The following MYO18B variants were observed in gnomAD, a reference collection of about 807,000 sequenced individuals.
The protein encoded by MYO18B is myosin XVIIIB.
MYO18B carries 204 observed loss-of-function variants against 273.0 expected under a neutral mutation model. The ratio of observed to expected loss-of-function variants is 0.75; its 90% CI spans 0.67 to 0.84. The LOEUF (loss-of-function observed/expected upper bound fraction) is 0.84, where lower values mean the gene tolerates loss of function less well. Among genes scored for constraint, MYO18B ranks in the 40% least tolerant of loss-of-function variants. The pLI is 0.00. For synonymous variants in MYO18B, 1,330 were observed against 1,305.7 expected (o/e 1.02, Z -0.40); for missense variants, 3,212 against 3,287.6 (o/e 0.98, Z 0.56).
chr22:25,908,422 G>T lies in MYO18B; in HGVS notation c.5249G>T (p.Cys1750Phe). ...EEELEDVRQS[C>F]QKRLHQLEMQ... The stretch of plus-strand genomic sequence containing the variant: ...GAACTGGAGGATGTCCGTCAGTCCT[G>T]CCAGAAGCGGGTACGTGAGCAGTGA... Residue 1750 changes from cysteine to phenylalanine, a missense_variant, in exon 32 of 44, where the codon TGC becomes TTC. Cys to Phe is a radical substitution (Grantham distance 205). Coordinates refer to ENST00000335473, the MANE Select transcript of MYO18B (RefSeq NM_032608.7). 6.3e-7 allele frequency: 1 copy of T among 1,587,924 alleles called. No individual in the cohort carries two copies. The highest frequency in any genetic ancestry group is 2.3e-5 in the East Asian group (1 of 43,584).
intron 35 of MYO18B, among the ~76,000 whole-genome samples, chr22:25,947,273 G>A (rs2092723078): frequency 6.6e-6 from 1 of 152,046 alleles, no homozygotes; most frequent in Admixed American, 6.6e-5. Flanking sequence ...TATTTATTGA[G>A]CACCTGTTAT....
At position 26,004,876 on chromosome 22, in the gene MYO18B, C is replaced by T. The variant is rs374901238; in HGVS notation, c.6470+21C>T. 42 of 1,612,838 alleles carry T rather than the reference C, an allele frequency of 2.6e-5. No homozygotes were observed. In the African/African-American group the frequency reaches 4.8e-4, roughly 18 times the overall value. On this transcript the variant is annotated intron_variant, in intron 42 of 43. Coordinates refer to ENST00000335473, the MANE Select transcript of MYO18B (RefSeq NM_032608.7). ...CCCAGGTAAGAGTATCTCCTTGCTGCCTCTGGATGGCTAATAGCTTGAAGA... is the reference window on the plus strand; with the variant it reads ...CCCAGGTAAGAGTATCTCCTTGCTGTCTCTGGATGGCTAATAGCTTGAAGA...
intron 1 of MYO18B, among the ~76,000 whole-genome samples, chr22:25,755,098 C>T (rs1458015493): frequency 2.0e-5 from 3 of 152,192 alleles, no homozygotes; most frequent in Non-Finnish European, 4.4e-5. Flanking sequence ...GCCAGTGTCT[C>T]CCAAGGGGAC....
rs1934274569 is a variant in MYO18B, at chr22:26,004,603, G to C, written c.6333-115G>C. On this transcript the variant is annotated intron_variant, in intron 41 of 43. Coordinates refer to ENST00000335473, the MANE Select transcript of MYO18B (RefSeq NM_032608.7). Reference sequence around the variant, plus strand: ...CTACCTCTCTGGGATGGCGAGTGAGGTTATGCAGGTATATCACTTAGCACA... The same window carrying C: ...CTACCTCTCTGGGATGGCGAGTGAGCTTATGCAGGTATATCACTTAGCACA... The C allele has an allele frequency of 3.2e-6, 4 of 1,233,352 alleles. No individual in the cohort carries two copies. In the East Asian group the frequency reaches 1.0e-4, roughly 32 times the overall value. The allele number at this position is 1,233,352 out of a possible 1,614,324, so 76.4% of individuals were successfully genotyped here. A position where few individuals can be genotyped will look rare whatever the true frequency, so the allele number is the denominator to read the frequency against.
intron 11 of MYO18B, among the ~76,000 whole-genome samples, chr22:25,787,559 G>A (rs1021192605): frequency 3.3e-5 from 5 of 152,148 alleles, no homozygotes; most frequent in Non-Finnish European, 5.9e-5. Flanking sequence ...ATATTGTATG[G>A]GCAAGCCTGG....
At chr22:25,814,432 G>C (rs1021786520) in intron 12 of MYO18B, among the ~76,000 whole-genome samples, 2 of 147,220 alleles carry the variant, frequency 1.4e-5, no homozygotes, top group African/African-American at 5.0e-5. Context: ...TGATTCTCCT[G>C]TCTCAGCCTC....
Position 26,027,757 on chromosome 22 carries a change from A to G in MYO18B, c.*12+67A>G. 1 of 1,455,642 alleles carries G rather than the reference A, an allele frequency of 6.9e-7. No individual in the cohort carries two copies. Among genetic ancestry groups the G allele is most frequent in the Non-Finnish European group, 9.1e-7 (1 of 1,093,684 alleles). 90.2% of individuals were successfully genotyped at this position (1,455,642 alleles called of 1,614,324 possible). ...TTCACCTTGCAGCCTTGGGGAGAGC[A>G]GGTGCCACTACTGTCCTTAATGCCA... On this transcript the variant is annotated intron_variant, in intron 43 of 43. Transcript: ENST00000335473. The surrounding 1 kb of genome is among the most constrained non-coding windows in gnomAD (Gnocchi z 4.1).
chr22:25,850,319 G>A (rs967161164), intron 20 of MYO18B, among the ~76,000 whole-genome samples: 35 of 152,198 alleles, frequency 2.3e-4, no homozygotes, highest in African/African-American at 8.4e-4. Context: ...TGGAATTTGC[G>A]CTCAATTTCC....
In MYO18B at chr22:25,886,444, G is replaced by A. The variant is rs190616218; in HGVS notation, c.4315-4312G>A. ...TGACGAACATCCCACAAGCCAGCTG[G>A]TACTGCAGTTGGGCTGGCCCTGTAT... On this transcript the variant is annotated intron_variant, in intron 25 of 43. Transcript: ENST00000335473. 1.3e-3 allele frequency among the ~76,000 whole-genome samples: 202 copies of A among 152,328 alleles called. 2 individuals are homozygous for A. Among genetic ancestry groups the A allele is most frequent in the Non-Finnish European group, 1.6e-3 (109 of 68,034 alleles).
intron 1 of MYO18B, among the ~76,000 whole-genome samples, chr22:25,759,056 G>C (rs1012376393): frequency 1.1e-4 from 17 of 152,056 alleles, no homozygotes; most frequent in African/African-American, 2.4e-5. Flanking sequence ...GCCTGGCTGG[G>C]GTGATGAGAA....
chr22:25,891,395 G>A lies in MYO18B; in HGVS notation c.4526G>A (p.Arg1509Lys). The change falls in exon 27 of 44, where the codon AGG (arginine) becomes AAG (lysine). Residue 1509 changes from arginine (R) to lysine (K), a missense_variant. By Grantham distance (26) the Arg-to-Lys change is conservative. Coordinates refer to ENST00000335473, the MANE Select transcript of MYO18B (RefSeq NM_032608.7). ...QQKIQLNDLE[R>K]NPTGGADEWQ... ...AAAATTCAGTTGAATGACTTGGAAA[G>A]GAATCCCACTGGAGGAGGTGAGCAG... 1.3e-6 allele frequency: 2 copies of A among 1,580,956 alleles called. No individual in the cohort carries two copies. Among genetic ancestry groups the A allele is most frequent in the Non-Finnish European group, 8.6e-7 (1 of 1,162,820 alleles).
At chr22:25,754,882 G>A (rs2086060362) in intron 1 of MYO18B, among the ~76,000 whole-genome samples, 1 of 152,204 alleles carries the variant, frequency 6.6e-6, no homozygotes, top group South Asian at 2.1e-4. Flanking sequence ...CAGCCTCAGG[G>A]CTAAGGACAG....
intron 12 of MYO18B, among the ~76,000 whole-genome samples, chr22:25,818,048 C>G (rs1437877202): frequency 2.6e-5 from 4 of 152,194 alleles, no homozygotes; most frequent in Non-Finnish European, 5.9e-5. Context: ...GGCTGACAAC[C>G]AAAAGCACAG....
At chr22:25,772,989 T>A (rs951226456) in intron 7 of MYO18B, among the ~76,000 whole-genome samples, 1 of 152,214 alleles carries the variant, frequency 6.6e-6, no homozygotes, top group African/African-American at 2.4e-5. Context: ...CATCCCATGC[T>A]GAACTCTCAG....
intron 20 of MYO18B, among the ~76,000 whole-genome samples, chr22:25,850,024 G>T (rs905754766): frequency 2.0e-5 from 3 of 152,160 alleles, no homozygotes; most frequent in Admixed American, 6.5e-5. Context: ...CATGAATGCA[G>T]ATAGGTGTGC....
intron 39 of MYO18B, among the ~76,000 whole-genome samples, chr22:25,969,406 C>T (rs1447380933): frequency 6.6e-6 from 1 of 152,198 alleles, no homozygotes; most frequent in Non-Finnish European, 1.5e-5. Flanking sequence ...TGAGGCAGCA[C>T]CATAAAATAC....
chr22:25,890,715 A>T, intron 25 of MYO18B, 41 bp from the exon 26 acceptor site: 1 of 1,609,552 alleles, frequency 6.2e-7, no homozygotes, highest in Non-Finnish European at 8.5e-7. Context: ...TGGTGGCTCC[A>T]TCGAGTGACC....
chr22:25,839,612 G>A (rs1345712816), intron 17 of MYO18B, among the ~76,000 whole-genome samples: 1 of 152,120 alleles, frequency 6.6e-6, no homozygotes, highest in Non-Finnish European at 1.5e-5. Context: ...TATAGGCGCC[G>A]AGCACAGGGC....
chr22:25,793,711 T>A (rs1374245104), intron 11 of MYO18B, among the ~76,000 whole-genome samples: 1 of 152,230 alleles, frequency 6.6e-6, no homozygotes, highest in African/African-American at 2.4e-5. Context: ...AAGCCCAGCC[T>A]GGTTTAATGG....
Sources: allele counts gnomAD v4.1 joint callset (sites outside exome capture counted in the v4.1 genomes callset), GRCh38; gene constraint gnomAD v4.1.1; non-coding constraint Gnocchi (gnomAD v3.1); transcripts MANE v1.5; gene names NCBI Gene and HGNC (gene_info 2026-07-23, HGNC 2026-07-21).